The following THADA variants were observed in gnomAD, a reference collection of about 807,000 sequenced individuals.
The protein encoded by THADA is tRNA (32-2'-O)-methyltransferase regulator THADA.
A neutral mutation model predicts 219.8 loss-of-function variants in THADA; 213 were observed. That is an observed-to-expected ratio of 0.97 (90% CI 0.87 to 1.09). The LOEUF (loss-of-function observed/expected upper bound fraction) is 1.09, where lower values mean the gene tolerates loss of function less well. Ranked by LOEUF, THADA falls within the 50% of genes least tolerant of loss-of-function variation. THADA has a pLI of 0.00. For missense variants in THADA, 2,956 were observed against 2,311.3 expected (o/e 1.28, Z -5.72); for synonymous variants, 1,018 against 828.9 (o/e 1.23, Z -3.92).
intron 35 of THADA, 52 bp downstream of exon 35, chr2:43,286,856 T>C (rs1674080690): frequency 1.9e-6 from 3 of 1,578,014 alleles, no homozygotes; most frequent in Admixed American, 1.7e-5. Context: ...AGAATATCTA[T>C]TCATATTTTA....
chr2:43,536,511 T>C (rs1694622227), intron 21 of THADA, among the ~76,000 whole-genome samples: 1 of 152,188 alleles, frequency 6.6e-6, no homozygotes, highest in East Asian at 1.9e-4. Flanking sequence ...TAAATTCTAA[T>C]CACTTGTCTT....
chr2:43,345,546 A>C (rs920601410), intron 29 of THADA, among the ~76,000 whole-genome samples: 1 of 152,038 alleles, frequency 6.6e-6, no homozygotes, highest in African/African-American at 2.4e-5. Context: ...CCTTCACCAC[A>C]CCCCCGCAGG....
intron 17 of THADA, among the ~76,000 whole-genome samples, chr2:43,554,604 A>C (rs1290902843): frequency 6.6e-6 from 1 of 152,308 alleles, no homozygotes; most frequent in Non-Finnish European, 1.5e-5. Flanking sequence ...TGAAACCACA[A>C]TGAGATATCG....
Position 43,430,309 on chromosome 2 carries a change from A to C in THADA, c.3837-7T>G, listed in dbSNP as rs747980510. 3 of 1,494,288 alleles carry C rather than the reference A, an allele frequency of 2.0e-6. No individual in the cohort carries two copies. In the African/African-American group the frequency reaches 4.2e-5, roughly 21 times the overall value. The allele number at this position is 1,494,288 out of a possible 1,614,324, so 92.6% of individuals were successfully genotyped here. On this transcript the variant is annotated splice_region_variant and splice_polypyrimidine_tract_variant and intron_variant, in intron 26 of 37. Coordinates refer to ENST00000405975, the MANE Select transcript of THADA (RefSeq NM_022065.5). Reference sequence around the variant, plus strand: ...AAACTCTCTCCCTGTCATTCTGTGAAAGAAGGAGGAAAAAATTTATTATCA... The same window carrying C: ...AAACTCTCTCCCTGTCATTCTGTGACAGAAGGAGGAAAAAATTTATTATCA...
At chr2:43,540,531 T>C (rs1239682840) in intron 21 of THADA, among the ~76,000 whole-genome samples, 2 of 152,036 alleles carry the variant, frequency 1.3e-5, no homozygotes, top group Non-Finnish European at 2.9e-5. Context: ...TGCTGAAAAA[T>C]GGTGGGAAAT....
intron 36 of THADA, among the ~76,000 whole-genome samples, chr2:43,240,574 G>C (rs1668515653): frequency 6.6e-6 from 1 of 152,156 alleles, no homozygotes; most frequent in Non-Finnish European, 1.5e-5. Context: ...AGGGCCATCA[G>C]AGCCCAGGCT....
chr2:43,305,457 T>C (rs557231045), intron 31 of THADA, among the ~76,000 whole-genome samples: 1 of 152,280 alleles, frequency 6.6e-6, no homozygotes, highest in African/African-American at 2.4e-5. Context: ...CTGAACCCCA[T>C]CATCTCTGCT....
intron 30 of THADA, among the ~76,000 whole-genome samples, chr2:43,335,344 T>C (rs1025938965): frequency 3.3e-5 from 5 of 152,104 alleles, no homozygotes; most frequent in African/African-American, 1.2e-4. Flanking sequence ...CAAATGATAG[T>C]AGTTGTCAGG....
intron 36 of THADA, among the ~76,000 whole-genome samples, chr2:43,273,295 A>T (rs953637601): frequency 6.6e-6 from 1 of 152,076 alleles, no homozygotes; most frequent in Non-Finnish European, 1.5e-5. Context: ...GAAGAAAAAG[A>T]AATGATGGAG....
intron 36 of THADA, among the ~76,000 whole-genome samples, chr2:43,273,545 G>C (rs1161239213): frequency 6.6e-6 from 1 of 152,170 alleles, no homozygotes; most frequent in Non-Finnish European, 1.5e-5. Flanking sequence ...GCAGGAGGAA[G>C]GGGGAGGCAG....
chr2:43,302,378 C>A (rs1174930782), intron 31 of THADA, among the ~76,000 whole-genome samples: 2 of 152,038 alleles, frequency 1.3e-5, no homozygotes, highest in East Asian at 3.8e-4. Context: ...ACTTTCCCAC[C>A]AGTGCAGTCA....
rs138607864 is a variant in THADA at position 43,585,247 on chromosome 2, A to G, written c.533+1154T>C. On this transcript the variant is annotated intron_variant, in intron 7 of 37. Transcript: ENST00000405975. ...CTACCCTGGCTGGGCACAGTGGCTC[A>G]CACCTATAATCCTAGCACTTTGGGA... Among the ~76,000 whole-genome samples the G allele has an allele frequency of 8.1e-4, 122 of 151,538 alleles. 1 individual carries two copies. Among genetic ancestry groups the G allele is most frequent in the African/African-American group, 2.9e-3 (118 of 41,258 alleles).
rs748998124 is a variant in THADA at position 43,586,693 on chromosome 2, A to T, written c.484+9T>A. 9 of 1,609,382 alleles carry T rather than the reference A, an allele frequency of 5.6e-6. No individual in the cohort carries two copies. Among genetic ancestry groups the T allele is most frequent in the Non-Finnish European group, 6.8e-6 (8 of 1,178,712 alleles). On this transcript the variant is annotated intron_variant, in intron 6 of 37. Transcript: ENST00000405975. ...AACTCATGGAACAAAATAAAATAAT[A>T]GGACTTACCATTTTTAAGCAGATTA...
At chr2:43,457,035 CGTGT>C (rs143933991) in intron 26 of THADA, among the ~76,000 whole-genome samples, 4 of 151,578 alleles carry the variant, frequency 2.6e-5, no homozygotes, top group African/African-American at 9.7e-5. Flanking sequence ...ATTTTATATA[CGTGT>C]GTGTGTGTGC....
At position 43,424,105 on chromosome 2, in the gene THADA, T is replaced by C. The variant is rs145921972; in HGVS notation, c.4058+3995A>G. 3.1e-3 allele frequency among the ~76,000 whole-genome samples: 476 copies of C among 152,306 alleles called. 4 individuals carry two copies. The highest frequency in any genetic ancestry group is 0.011 in the African/African-American group (463 of 41,556). On this transcript the variant is annotated intron_variant, in intron 28 of 37. Coordinates refer to ENST00000405975, the MANE Select transcript of THADA (RefSeq NM_022065.5). ...GTATACAAGATGTTGGGATTGACATTATAAGTTCTGTCCCAAGAGGATGCA... is the reference window on the plus strand; with the variant it reads ...GTATACAAGATGTTGGGATTGACATCATAAGTTCTGTCCCAAGAGGATGCA...
rs756629570 is a variant in THADA at position 43,549,375 on chromosome 2, G to A, written c.2948-7C>T. 1.9e-6 allele frequency: 3 copies of A among 1,598,074 alleles called. No homozygotes were observed. Among genetic ancestry groups the A allele is most frequent in the African/African-American group, 1.3e-5 (1 of 74,632 alleles). ...TGTAAGCGGCTTGCTGACTCTGAGG[G>A]AAAGAAATGAGCGTACATGAAACCC... On this transcript the variant is annotated splice_region_variant and splice_polypyrimidine_tract_variant and intron_variant, in intron 19 of 37. Coordinates refer to ENST00000405975, the MANE Select transcript of THADA (RefSeq NM_022065.5).
chr2:43,300,273 T>A (rs1676102523), intron 31 of THADA, among the ~76,000 whole-genome samples: 1 of 151,860 alleles, frequency 6.6e-6, no homozygotes, highest in African/African-American at 2.4e-5. Context: ...AGTGTTGGGA[T>A]TACAGGCGTG....
intron 22 of THADA, among the ~76,000 whole-genome samples, chr2:43,521,713 A>C (rs1692512466): frequency 1.3e-5 from 2 of 152,264 alleles, no homozygotes; most frequent in African/African-American, 4.8e-5. Flanking sequence ...TTATTGTTCC[A>C]TAAACAGATT....
chr2:43,328,342 C>T (rs1431193960), intron 30 of THADA, among the ~76,000 whole-genome samples: 5 of 152,214 alleles, frequency 3.3e-5, no homozygotes, highest in Admixed American at 2.6e-4. Flanking sequence ...ACCTTGCCCT[C>T]CCTGGGGGAG....
Sources: allele counts gnomAD v4.1 joint callset (sites outside exome capture counted in the v4.1 genomes callset), GRCh38; gene constraint gnomAD v4.1.1; transcripts MANE v1.5; gene names NCBI Gene and HGNC (gene_info 2026-07-23, HGNC 2026-07-21).